The following PIEZO2 variants were observed in gnomAD, a reference collection of about 807,000 sequenced individuals.
The protein encoded by PIEZO2 is piezo type mechanosensitive ion channel component 2, also known as piezo-type mechanosensitive ion channel component 2.
In PIEZO2, 172 loss-of-function variants were observed where a neutral mutation model predicts 337.3. That is an observed-to-expected ratio of 0.51 (90% CI 0.45 to 0.58). The LOEUF (loss-of-function observed/expected upper bound fraction) is 0.58. Among genes scored for constraint, PIEZO2 ranks in the 20% least tolerant of loss-of-function variants. The pLI is 0.00. For missense variants in PIEZO2, 3,028 were observed against 3,391.3 expected (o/e 0.89, Z 2.66); for synonymous variants, 1,251 against 1,228.5 (o/e 1.02, Z -0.38).
intron 1 of PIEZO2, among the ~76,000 whole-genome samples, chr18:11,084,176 CAAAAAAA>C (rs1161713844): frequency 1.5e-5 from 1 of 64,796 alleles, no homozygotes; most frequent in African/African-American, 4.8e-5. Flanking sequence ...AACTCTGTCT[CAAAAAAA>C]AAAAAAAAAA....
At chr18:10,698,630 T>G (rs763055254) in intron 44 of PIEZO2, among the ~76,000 whole-genome samples, 1 of 152,208 alleles carries the variant, frequency 6.6e-6, no homozygotes, top group Non-Finnish European at 1.5e-5. Flanking sequence ...GTAACACAAA[T>G]AAATTATCAT....
intron 3 of PIEZO2, among the ~76,000 whole-genome samples, chr18:10,936,963 C>T (rs1185975149): frequency 6.6e-6 from 1 of 152,106 alleles, no homozygotes; most frequent in Non-Finnish European, 1.5e-5. Context: ...CCCTTACGGT[C>T]CTGGAGATCT....
intron 2 of PIEZO2, among the ~76,000 whole-genome samples, chr18:11,024,182 C>T (rs1185796226): frequency 6.6e-6 from 1 of 152,162 alleles, no homozygotes. Context: ...CGAGGGTGCA[C>T]ACTGTCACCT....
At chr18:11,064,720 T>C (rs2145912547) in intron 2 of PIEZO2, among the ~76,000 whole-genome samples, 1 of 152,172 alleles carries the variant, frequency 6.6e-6, no homozygotes, top group East Asian at 1.9e-4. Flanking sequence ...AGTTACTTGA[T>C]TTCCAAATAA....
At position 10,849,510 on chromosome 18, in the gene PIEZO2, C is replaced by T. The variant is rs186598011; in HGVS notation, c.917+5843G>A. On this transcript the variant is annotated intron_variant, in intron 7 of 55. Transcript: ENST00000674853. ...GTGAAACAGGAATTGAGTCCTCCCG[C>T]CCCCGGCTCCTTTGCTTTGCTCAGG... Among the ~76,000 whole-genome samples the T allele has an allele frequency of 2.6e-5, 4 of 152,174 alleles. No individual in the cohort carries two copies. The South Asian group carries it at 8.3e-4, about 32-fold the overall frequency.
chr18:10,896,988 A>G (rs1260475997), intron 4 of PIEZO2, among the ~76,000 whole-genome samples: 7 of 152,218 alleles, frequency 4.6e-5, no homozygotes, highest in Admixed American at 4.6e-4. Flanking sequence ...CTAATTCACT[A>G]CAGCAATAGA....
At chr18:11,142,965 G>A (rs932454859) in intron 1 of PIEZO2, among the ~76,000 whole-genome samples, 2 of 152,258 alleles carry the variant, frequency 1.3e-5, no homozygotes, top group African/African-American at 2.4e-5. Context: ...TGTAGCCCCA[G>A]CTACTCGGGT....
At position 11,031,114 on chromosome 18, in the gene PIEZO2, C is replaced by T. The variant is rs556340697; in HGVS notation, c.160+35013G>A. 6.6e-5 allele frequency among the ~76,000 whole-genome samples: 10 copies of T among 151,784 alleles called. No homozygotes were observed. The East Asian group carries it at 7.8e-4, about 12-fold the overall frequency. On this transcript the variant is annotated intron_variant, in intron 2 of 55. Coordinates refer to ENST00000674853, the MANE Select transcript of PIEZO2 (RefSeq NM_001378183.1). The surrounding 1 kb of genome is among the most constrained non-coding windows in gnomAD (Gnocchi z 4.7). ...ACACCATTCTCCTGCCTCAGCCTCT[C>T]GAGTTTCTGGGACTACAGGCGCCTG...
intron 7 of PIEZO2, among the ~76,000 whole-genome samples, chr18:10,843,921 A>G (rs2041270242): frequency 6.6e-6 from 1 of 152,218 alleles, no homozygotes; most frequent in Non-Finnish European, 1.5e-5. Context: ...TCTATGTGAC[A>G]AAGTGCAAAG....
At chr18:10,695,117 C>T (rs1472805951) in intron 47 of PIEZO2, among the ~76,000 whole-genome samples, 1 of 152,242 alleles carries the variant, frequency 6.6e-6, no homozygotes, top group African/African-American at 2.4e-5. Context: ...AGATATTTCC[C>T]ATTTATAAAA....
At chr18:10,904,891 A>G (rs1463039546) in intron 4 of PIEZO2, among the ~76,000 whole-genome samples, 2 of 152,256 alleles carry the variant, frequency 1.3e-5, no homozygotes, top group Non-Finnish European at 2.9e-5. Flanking sequence ...TGAACACAGA[A>G]GCCAGCATAG....
chr18:10,805,465 G>A (rs1410089520), intron 8 of PIEZO2, among the ~76,000 whole-genome samples: 2 of 152,148 alleles, frequency 1.3e-5, no homozygotes, highest in East Asian at 1.9e-4. Flanking sequence ...GTGGTGACCC[G>A]AGATCATGCC....
chr18:10,679,744 C>T (rs1349163341), intron 52 of PIEZO2, among the ~76,000 whole-genome samples: 4 of 152,128 alleles, frequency 2.6e-5, no homozygotes, highest in Non-Finnish European at 5.9e-5. Flanking sequence ...GAGAGGCTCC[C>T]TGTGGTAGAT....
intron 1 of PIEZO2, among the ~76,000 whole-genome samples, chr18:11,106,054 C>G (rs573402296): frequency 4.6e-5 from 7 of 152,192 alleles, no homozygotes; most frequent in South Asian, 2.1e-4. Context: ...AAATGCTACA[C>G]TATGCTGAAA....
At chr18:11,107,402 G>A (rs111814369) in intron 1 of PIEZO2, among the ~76,000 whole-genome samples, 1,986 of 152,122 alleles carry the variant, frequency 0.013, 39 homozygotes, top group African/African-American at 0.045. Flanking sequence ...AAAATAAACA[G>A]ATAAAATTTA....
intron 7 of PIEZO2, among the ~76,000 whole-genome samples, chr18:10,822,737 G>GC (rs2040555967): frequency 3.3e-5 from 5 of 152,188 alleles, no homozygotes; most frequent in Non-Finnish European, 7.3e-5. Context: ...GCAATTTTGT[G>GC]AACGCGTTGG....
rs962564265 is a variant in PIEZO2 at position 10,737,298 on chromosome 18, C to CAAAAAA, written c.4709-594_4709-589dup. Among the ~76,000 whole-genome samples the CAAAAAA allele has an allele frequency of 7.1e-3, 743 of 104,572 alleles. 13 individuals are homozygous for CAAAAAA. Among genetic ancestry groups the CAAAAAA allele is most frequent in the African/African-American group, 0.029 (709 of 24,474 alleles). The allele number at this position is 104,572 out of a possible 152,430, so 68.6% of individuals were successfully genotyped here. ...GGCAAGACATTTGAAAAAAAAAAAA[C>CAAAAAA]AAAAAAACACGCACACACTGCCATG... On this transcript the variant is annotated intron_variant, in intron 33 of 55. Coordinates refer to ENST00000674853, the MANE Select transcript of PIEZO2 (RefSeq NM_001378183.1).
Position 11,131,570 on chromosome 18 carries a change from C to T in PIEZO2, c.64+16955G>A, listed in dbSNP as rs148838158. ...GGTGAAGGGAAATCTTCCCAGTGGG[C>T]AGAACTTCGAGCCATGCACCTGGCT... On this transcript the variant is annotated intron_variant, in intron 1 of 55. Coordinates refer to ENST00000674853, the MANE Select transcript of PIEZO2 (RefSeq NM_001378183.1). The surrounding 1 kb of genome is among the most constrained non-coding windows in gnomAD (Gnocchi z 5.3). 2.6e-5 allele frequency among the ~76,000 whole-genome samples: 4 copies of T among 152,260 alleles called. No individual in the cohort carries two copies. The East Asian group carries it at 7.7e-4, about 29-fold the overall frequency.
At chr18:10,802,902 G>A (rs2039874049) in intron 9 of PIEZO2, among the ~76,000 whole-genome samples, 1 of 150,884 alleles carries the variant, frequency 6.6e-6, no homozygotes, top group Non-Finnish European at 1.5e-5. Flanking sequence ...AACCCAGGAG[G>A]CAGAGGTTGC....
Sources: allele counts gnomAD v4.1 joint callset (sites outside exome capture counted in the v4.1 genomes callset), GRCh38; gene constraint gnomAD v4.1.1; non-coding constraint Gnocchi (gnomAD v3.1); transcripts MANE v1.5; gene names NCBI Gene and HGNC (gene_info 2026-07-23, HGNC 2026-07-21).